Variants in GRM1 observed in about 807,000 individuals in gnomAD.
GRM1 encodes glutamate metabotropic receptor 1, also known as metabotropic glutamate receptor 1.
Under a neutral mutation model 90.9 loss-of-function variants are expected in GRM1, and 33 were observed. The ratio of observed to expected loss-of-function variants is 0.36; its 90% CI spans 0.28 to 0.49. The LOEUF (loss-of-function observed/expected upper bound fraction) is 0.49. Ranked by LOEUF, GRM1 falls within the 20% of genes least tolerant of loss-of-function variation. The pLI is 0.99. For missense variants in GRM1, 1,190 were observed against 1,534.3 expected, an observed-to-expected ratio of 0.78 and a Z score of 3.75; for synonymous variants, 700 against 613.2, an observed-to-expected ratio of 1.14 and a Z score of -2.09.
At chr6:146,227,403 A>T (rs1780279888) in intron 2 of GRM1, among the ~76,000 whole-genome samples, 1 of 152,160 alleles carries the variant, frequency 6.6e-6, no homozygotes, top group African/African-American at 2.4e-5. Flanking sequence ...TACTCTTGGT[A>T]TACAATCTAT....
chr6:146,250,905 A>G (rs1030640986), intron 2 of GRM1, among the ~76,000 whole-genome samples: 2 of 152,254 alleles, frequency 1.3e-5, no homozygotes, highest in Non-Finnish European at 2.9e-5. Flanking sequence ...AAATTACACC[A>G]TAATTTCCTG....
intron 2 of GRM1, among the ~76,000 whole-genome samples, chr6:146,247,690 G>A (rs1372622129): frequency 6.7e-6 from 1 of 149,460 alleles, no homozygotes; most frequent in Non-Finnish European, 1.5e-5. Context: ...GGTGGAGATT[G>A]CAGTGAGCCA....
Position 146,084,155 on chromosome 6 carries a change from T to A in GRM1, c.700+53938T>A, listed in dbSNP as rs138377027. 5.0e-3 allele frequency among the ~76,000 whole-genome samples: 756 copies of A among 152,250 alleles called. 6 individuals are homozygous for A. Among genetic ancestry groups the A allele is most frequent in the African/African-American group, 0.015 (621 of 41,564 alleles). On this transcript the variant is annotated intron_variant, in intron 1 of 7. Coordinates refer to ENST00000282753, the MANE Select transcript of GRM1 (RefSeq NM_001278064.2). ...CTTTATTACTCTAGCTAGCAGTCTA[T>A]CTATTTTGTCAATTTTTTTTCAAAA...
chr6:146,311,097 T>C (rs924640242), intron 3 of GRM1, among the ~76,000 whole-genome samples: 12 of 152,172 alleles, frequency 7.9e-5, no homozygotes, highest in Admixed American at 5.9e-4. Context: ...CTCAGTCTTT[T>C]CCCATCATAA....
In GRM1 at chr6:146,107,599, C is replaced by A. The variant is rs75118712; in HGVS notation, c.701-51749C>A. On this transcript the variant is annotated intron_variant, in intron 1 of 7. Transcript: ENST00000282753. ...GAGCTCTCCTGGGAACTCAAGAAAT[C>A]CCTCTCAGTAGTTATTGATTTCTAT... 8.3e-3 allele frequency among the ~76,000 whole-genome samples: 1,270 copies of A among 152,250 alleles called. 10 individuals carry two copies. Among genetic ancestry groups the A allele is most frequent in the African/African-American group, 0.029 (1,201 of 41,550 alleles).
At chr6:146,094,806 A>C (rs1315691793) in intron 1 of GRM1, among the ~76,000 whole-genome samples, 1 of 152,112 alleles carries the variant, frequency 6.6e-6, no homozygotes, top group Non-Finnish European at 1.5e-5. Context: ...ATCCCAGAAA[A>C]TGTGCTGAGA....
rs760705077 is a variant in GRM1, at chr6:146,434,422, C to A, written c.3211C>A (p.Pro1071Thr). Reference protein sequence around the residue: ...GLRSLYPPPPPPQHLQMLPLQ... With the variant: ...GLRSLYPPPPTPQHLQMLPLQ... The stretch of plus-strand genomic sequence containing the variant: ...GCGGTCCCTGTACCCGCCCCCGCCA[C>A]CTCCGCAGCACCTGCAGATGCTGCC... Residue 1071 changes from proline (P) to threonine (T), a missense_variant, in exon 8 of 8, where the codon CCT becomes ACT. By Grantham distance (38) the Pro-to-Thr change is conservative. This residue lies in a region of GRM1 where 400 missense variants were observed against 360.8 expected (regional missense o/e 1.11). Coordinates refer to ENST00000282753, the MANE Select transcript of GRM1 (RefSeq NM_001278064.2). 10 of 1,613,652 alleles carry A rather than the reference C, an allele frequency of 6.2e-6. No individual in the cohort carries two copies. The Admixed American group carries it at 1.2e-4, about 19-fold the overall frequency.
chr6:146,057,495 G>T (rs903856963), intron 1 of GRM1, among the ~76,000 whole-genome samples: 5 of 152,092 alleles, frequency 3.3e-5, no homozygotes, highest in African/African-American at 1.2e-4. Flanking sequence ...TAGGGTAGTT[G>T]AGAGGATCAC....
intron 2 of GRM1, among the ~76,000 whole-genome samples, chr6:146,257,615 G>A (rs11155459): frequency 0.21 from 31,962 of 151,956 alleles, 4,216 homozygotes; most frequent in East Asian, 0.31. Flanking sequence ...AAGTTAAGAA[G>A]TTCCATGTTC....
At chr6:146,239,643 T>G (rs1385415333) in intron 2 of GRM1, among the ~76,000 whole-genome samples, 1 of 152,156 alleles carries the variant, frequency 6.6e-6, no homozygotes. Flanking sequence ...CTGTTCAATT[T>G]AAAAATCTAC....
At chr6:146,049,281 G>T (rs1791439173) in intron 1 of GRM1, among the ~76,000 whole-genome samples, 1 of 151,978 alleles carries the variant, frequency 6.6e-6, no homozygotes, top group East Asian at 1.9e-4. Context: ...GTCTATGAGG[G>T]TATTTCCCAA....
At chr6:146,335,907 GA>G (rs1784756523) in intron 3 of GRM1, among the ~76,000 whole-genome samples, 4 of 152,102 alleles carry the variant, frequency 2.6e-5, no homozygotes, top group Admixed American at 2.6e-4. Context: ...TTGTTCTGGT[GA>G]TAGTGAACAA....
intron 7 of GRM1, among the ~76,000 whole-genome samples, chr6:146,409,998 G>A (rs1272638975): frequency 6.6e-6 from 1 of 152,156 alleles, no homozygotes; most frequent in Non-Finnish European, 1.5e-5. Flanking sequence ...CATGCTCCTA[G>A]CAAATACCCT....
intron 7 of GRM1, among the ~76,000 whole-genome samples, chr6:146,410,888 C>A (rs1321705230): frequency 6.6e-6 from 1 of 152,180 alleles, no homozygotes. Flanking sequence ...TATTTCAGGG[C>A]TAATCCTAGT....
chr6:146,368,579 T>C (rs886659427), intron 5 of GRM1, among the ~76,000 whole-genome samples: 1 of 152,144 alleles, frequency 6.6e-6, no homozygotes, highest in African/African-American at 2.4e-5. Flanking sequence ...ATTTTTATTA[T>C]TAAGTGATGT....
chr6:146,131,786 A>G (rs1313672154), intron 1 of GRM1, among the ~76,000 whole-genome samples: 1 of 152,222 alleles, frequency 6.6e-6, no homozygotes, highest in East Asian at 1.9e-4. Context: ...GTATGCAGGC[A>G]TCAAGCAAAC....
chr6:146,225,808 T>C (rs548528129), intron 2 of GRM1, among the ~76,000 whole-genome samples: 1 of 152,238 alleles, frequency 6.6e-6, no homozygotes, highest in Non-Finnish European at 1.5e-5. Context: ...GTAATTAAGT[T>C]AAATTCACTT....
At chr6:146,119,572 A>T (rs2128876712) in intron 1 of GRM1, among the ~76,000 whole-genome samples, 1 of 152,272 alleles carries the variant, frequency 6.6e-6, no homozygotes. Flanking sequence ...TTATGGTTTT[A>T]GGTCTGACAT....
In GRM1 at chr6:146,370,747, A is replaced by T. The variant is rs1775867225; in HGVS notation, c.1602+13053A>T. Among the ~76,000 whole-genome samples, 3 of 152,178 alleles carry T rather than the reference A, an allele frequency of 2.0e-5. No homozygotes were observed. In the South Asian group the frequency reaches 6.2e-4, roughly 32 times the overall value. Reference sequence around the variant, plus strand: ...ACTGGGAAGAGCCTAATTCTTGGAAATAACTTGACTGAGGCTTGTGCAAGG... The same window carrying T: ...ACTGGGAAGAGCCTAATTCTTGGAATTAACTTGACTGAGGCTTGTGCAAGG... On this transcript the variant is annotated intron_variant, in intron 5 of 7. Transcript: ENST00000282753.
Sources: allele counts gnomAD v4.1 joint callset (sites outside exome capture counted in the v4.1 genomes callset), GRCh38; gene constraint gnomAD v4.1.1; regional missense constraint gnomAD v4.1.1; transcripts MANE v1.5; gene names NCBI Gene and HGNC (gene_info 2026-07-23, HGNC 2026-07-21).